Variants in DDB2 observed in about 807,000 individuals in gnomAD.
The protein encoded by DDB2 is DNA damage-binding protein 2.
A neutral mutation model predicts 50.5 loss-of-function variants in DDB2; 27 were observed. The ratio of observed to expected loss-of-function variants is 0.53; its 90% CI spans 0.39 to 0.74. DDB2 has a LOEUF of 0.74. Among genes scored for constraint, DDB2 ranks in the 30% least tolerant of loss-of-function variants. The probability of loss-of-function intolerance (pLI) is 0.00; values close to 1 mark genes in which losing one functional copy is unlikely to be tolerated. For synonymous variants in DDB2, 176 were observed against 205.5 expected, an observed-to-expected ratio of 0.86 and a Z score of 1.23; for missense variants, 424 against 545.6, an observed-to-expected ratio of 0.78 and a Z score of 2.22.
rs550301168 is a variant in DDB2, at chr11:47,220,980, T to C, written c.456+3931T>C. 5.3e-5 allele frequency among the ~76,000 whole-genome samples: 8 copies of C among 152,140 alleles called. No homozygotes were observed. In the South Asian group the frequency reaches 1.5e-3, roughly 28 times the overall value. On this transcript the variant is annotated intron_variant, in intron 3 of 9. Transcript: ENST00000256996. Reference sequence around the variant, plus strand: ...TTCCGAGACCAGCCTGACCAACACATAGTGAAACCCTGTCTCTACTAAAAA... The same window carrying C: ...TTCCGAGACCAGCCTGACCAACACACAGTGAAACCCTGTCTCTACTAAAAA...
At chr11:47,238,069 T>G in intron 8 of DDB2, 68 bp downstream of exon 8, 1 of 1,612,654 alleles carries the variant, frequency 6.2e-7, no homozygotes, top group Non-Finnish European at 8.5e-7. Flanking sequence ...TGACCAAAAG[T>G]GACCAGAAAT....
chr11:47,229,894 G>A (rs547234543), intron 3 of DDB2: 20 of 382,320 alleles, frequency 5.2e-5, no homozygotes, highest in South Asian at 3.8e-4. Context: ...GCAGTGGCAG[G>A]ATCATAGCTA....
chr11:47,229,107 G>A (rs866154023), intron 3 of DDB2, among the ~76,000 whole-genome samples: 4 of 151,688 alleles, frequency 2.6e-5, no homozygotes, highest in African/African-American at 7.3e-5. Context: ...AGATGTTTAC[G>A]TAGTGGGAAG....
intron 4 of DDB2, 95 bp from the exon 5 acceptor site, chr11:47,234,478 A>C: frequency 1.1e-6 from 1 of 925,070 alleles, no homozygotes; most frequent in Non-Finnish European, 1.8e-6. Context: ...ATATTTATTG[A>C]ATGCCCGCTG....
At position 47,216,855 on chromosome 11, in the gene DDB2, C is replaced by T; in HGVS notation, c.265-3C>T. The T allele has an allele frequency of 6.2e-7, 1 of 1,613,980 alleles. No homozygotes were observed. The highest frequency in any genetic ancestry group is 8.5e-7 in the Non-Finnish European group (1 of 1,179,912). On this transcript the variant is annotated splice_region_variant and splice_polypyrimidine_tract_variant and intron_variant, in intron 2 of 9. Coordinates refer to ENST00000256996, the MANE Select transcript of DDB2 (RefSeq NM_000107.3). The stretch of plus-strand genomic sequence containing the variant: ...CAACCTAATTCATTTCTCTCTGTGG[C>T]AGGGGCTCCAGCAGTCCTTTTTGCA...
At chr11:47,215,417 GAGT>G in intron 1 of DDB2, 154 bp downstream of exon 1, 2 of 1,084,980 alleles carry the variant, frequency 1.8e-6, no homozygotes. Context: ...TTTGACACCA[GAGT>G]GTTTAGGTTT....
chr11:47,235,729 A>G (rs1189173680), intron 7 of DDB2: 1 of 400,316 alleles, frequency 2.5e-6, no homozygotes, highest in Non-Finnish European at 4.6e-6. Context: ...ACCTGTGTAC[A>G]GTTGACCCAC....
chr11:47,216,152 GC>G (rs1953397004), intron 1 of DDB2, 183 bp from the exon 2 acceptor site: 1 of 893,006 alleles, frequency 1.1e-6, no homozygotes, highest in Admixed American at 1.7e-5. Flanking sequence ...TGGGGAAGGG[GC>G]CAAATCCTCA....
chr11:47,237,805 T>TTAC, intron 7 of DDB2, 32 bp from the exon 8 acceptor site: 1 of 1,612,646 alleles, frequency 6.2e-7, no homozygotes, highest in Non-Finnish European at 8.5e-7. Flanking sequence ...TGTTCTGTGT[T>TTAC]TACCCTCATG....
intron 9 of DDB2, among the ~76,000 whole-genome samples, chr11:47,238,429 G>A (rs998193034): frequency 3.3e-5 from 5 of 151,266 alleles, no homozygotes; most frequent in Admixed American, 2.0e-4. Flanking sequence ...ACGGAGTCTC[G>A]CTCTGTCCCC....
At chr11:47,232,347 T>TA (rs1301087762) in intron 3 of DDB2, among the ~76,000 whole-genome samples, 2 of 148,466 alleles carry the variant, frequency 1.3e-5, no homozygotes, top group African/African-American at 2.5e-5. Flanking sequence ...AAAATAAAAA[T>TA]AAAAAAAAGA....
At chr11:47,237,587 C>G (rs1243617310) in intron 7 of DDB2, 1 of 433,170 alleles carries the variant, frequency 2.3e-6, no homozygotes, top group South Asian at 2.1e-5. Context: ...TGTACCACCA[C>G]GCCCAGCTAA....
At chr11:47,228,355 A>G (rs533996278) in intron 3 of DDB2, among the ~76,000 whole-genome samples, 1 of 136,214 alleles carries the variant, frequency 7.3e-6, no homozygotes, top group Non-Finnish European at 1.5e-5. Context: ...TAAGATCAAT[A>G]TCTGGCTGGG....
chr11:47,214,903 C>T, upstream of DDB2: 1 of 591,922 alleles, frequency 1.7e-6, no homozygotes. Context: ...TTGGCACCAC[C>T]CCCTCCCCGC....
intron 4 of DDB2, chr11:47,233,613 G>C (rs1156558986): frequency 6.4e-6 from 1 of 155,548 alleles, no homozygotes; most frequent in East Asian, 1.9e-4. Flanking sequence ...GGAGGCTGAA[G>C]CAAGAGAATC....
rs770406867 is a variant in DDB2 at position 47,232,859 on chromosome 11, A to G, written c.502A>G (p.Asn168Asp). The G allele has an allele frequency of 1.9e-6, 3 of 1,613,920 alleles. No homozygotes were observed. Among genetic ancestry groups the G allele is most frequent in the African/African-American group, 2.7e-5 (2 of 74,914 alleles). Residue 168 changes from asparagine to aspartate, a missense_variant, in exon 4 of 10, where the codon AAT becomes GAT. Transcript: ENST00000256996. ...CACTGGGCTGAAGTTTAACCCTCTC[A>G]ATACCAACCAGTTTTACGCCTCCTC... ...SITGLKFNPL[N>D]TNQFYASSME...
chr11:47,223,660 T>G (rs2135494485), intron 3 of DDB2, among the ~76,000 whole-genome samples: 1 of 151,640 alleles, frequency 6.6e-6, no homozygotes, highest in Non-Finnish European at 1.5e-5. Context: ...TGGGCGCCTG[T>G]AGTCCCAGCT....
intron 3 of DDB2, among the ~76,000 whole-genome samples, chr11:47,218,994 G>A (rs1374050323): frequency 6.6e-6 from 1 of 152,120 alleles, no homozygotes; most frequent in Non-Finnish European, 1.5e-5. Flanking sequence ...ACCCAGGCTG[G>A]AGTGCAGTGG....
chr11:47,225,094 C>G (rs1220205026), intron 3 of DDB2, among the ~76,000 whole-genome samples: 1 of 151,798 alleles, frequency 6.6e-6, no homozygotes, highest in African/African-American at 2.4e-5. Context: ...TGTGCACCAC[C>G]ACGCCCAGCT....
Sources: allele counts gnomAD v4.1 joint callset (sites outside exome capture counted in the v4.1 genomes callset), GRCh38; gene constraint gnomAD v4.1.1; transcripts MANE v1.5; gene names NCBI Gene and HGNC (gene_info 2026-07-23, HGNC 2026-07-21).